GRIK4: variants seen among roughly 807,000 people sequenced by gnomAD.
The protein encoded by GRIK4 is glutamate receptor ionotropic, kainate 4.
GRIK4 carries 40 observed loss-of-function variants against 104.9 expected under a neutral mutation model. The observed-to-expected ratio is 0.38, with a 90% CI of 0.30 to 0.50. The LOEUF is 0.50. Ranked by LOEUF, GRIK4 falls within the 20% of genes least tolerant of loss-of-function variation. GRIK4 has a pLI of 0.93. For missense variants in GRIK4, 1,047 were observed against 1,308.1 expected (o/e 0.80, Z 3.08); for synonymous variants, 485 against 524.9 (o/e 0.92, Z 1.04).
intron 1 of GRIK4, among the ~76,000 whole-genome samples, chr11:120,630,693 T>C (rs1201887654): frequency 2.0e-5 from 3 of 152,210 alleles, no homozygotes; most frequent in African/African-American, 7.2e-5. Flanking sequence ...GAACAAGTGA[T>C]TTAAAATTAT....
Position 120,608,977 on chromosome 11 carries a change from A to G in GRIK4, c.-158-44708A>G, listed in dbSNP as rs569533844. The stretch of plus-strand genomic sequence containing the variant: ...TGTTGAATCTGATTTGCTGAAATAC[A>G]ATAGCAGATTGATTTTGTAGCCACC... On this transcript the variant is annotated intron_variant, in intron 1 of 20. Coordinates refer to ENST00000527524, the MANE Select transcript of GRIK4 (RefSeq NM_014619.5). Among the ~76,000 whole-genome samples the G allele has an allele frequency of 5.9e-5, 9 of 152,348 alleles. No homozygotes were observed. The East Asian group carries it at 1.3e-3, about 23-fold the overall frequency.
intron 4 of GRIK4, among the ~76,000 whole-genome samples, chr11:120,812,696 A>C (rs1467529213): frequency 6.6e-6 from 1 of 152,238 alleles, no homozygotes; most frequent in Non-Finnish European, 1.5e-5. Flanking sequence ...ACAGCCATGC[A>C]TCAGACTCCA....
At chr11:120,924,468 G>A (rs149336862) in intron 13 of GRIK4, among the ~76,000 whole-genome samples, 3 of 152,170 alleles carry the variant, frequency 2.0e-5, no homozygotes, top group East Asian at 3.9e-4. Flanking sequence ...TGCACAAATC[G>A]TAAGTGACAG....
At chr11:120,817,182 C>T (rs184357455) in intron 5 of GRIK4, among the ~76,000 whole-genome samples, 13 of 152,184 alleles carry the variant, frequency 8.5e-5, no homozygotes, top group Non-Finnish European at 1.6e-4. Context: ...CTGTGCATCA[C>T]ATCCTCCCCC....
At chr11:120,592,613 C>T (rs1279278973) in intron 1 of GRIK4, among the ~76,000 whole-genome samples, 1 of 152,150 alleles carries the variant, frequency 6.6e-6, no homozygotes, top group Non-Finnish European at 1.5e-5. Context: ...TTTCCTGCCT[C>T]CTCTGGCTTC....
chr11:120,930,994 C>T (rs1054199788), intron 13 of GRIK4, among the ~76,000 whole-genome samples: 1 of 152,138 alleles, frequency 6.6e-6, no homozygotes, highest in South Asian at 2.1e-4. Flanking sequence ...ATTGAGCACC[C>T]GCTTTATTCC....
chr11:120,674,028 C>T (rs919202291), intron 3 of GRIK4, among the ~76,000 whole-genome samples: 1 of 152,170 alleles, frequency 6.6e-6, no homozygotes, highest in Non-Finnish European at 1.5e-5. Flanking sequence ...AGGCCTGGTG[C>T]TCTTCCCTGT....
At chr11:120,867,512 C>T (rs3802913) in intron 9 of GRIK4, among the ~76,000 whole-genome samples, 12 of 151,724 alleles carry the variant, frequency 7.9e-5, no homozygotes, top group Non-Finnish European at 1.8e-4. Context: ...ACGATGTTCC[C>T]TGCTCTTTCT....
intron 3 of GRIK4, among the ~76,000 whole-genome samples, chr11:120,694,148 G>C (rs1188924377): frequency 1.3e-5 from 2 of 152,198 alleles, no homozygotes; most frequent in African/African-American, 4.8e-5. Flanking sequence ...TAGGCCTAAA[G>C]CATGAGGGAG....
chr11:120,936,412 C>T, intron 13 of GRIK4: 1 of 305,330 alleles, frequency 3.3e-6, no homozygotes, highest in Non-Finnish European at 6.4e-6. Context: ...TCTGTCTCCC[C>T]TTTAGGAGAG....
chr11:120,658,727 C>CTTTTTTTTTTTTTTT (rs71050753), intron 2 of GRIK4, among the ~76,000 whole-genome samples: 1 of 56,746 alleles, frequency 1.8e-5, no homozygotes, highest in African/African-American at 4.7e-5. Context: ...GAGGACGAAA[C>CTTTTTTTTTTTTTTT]TTTTTTTTTT....
intron 8 of GRIK4, 42 bp downstream of exon 8, chr11:120,836,886 G>C (rs779049478): frequency 4.1e-5 from 50 of 1,230,354 alleles, no homozygotes; most frequent in Non-Finnish European, 5.5e-5. Flanking sequence ...AGAGAGTGTT[G>C]TCAGTGGTCA....
At position 120,818,291 on chromosome 11, in the gene GRIK4, C is replaced by T. The variant is rs574645888; in HGVS notation, c.346-1464C>T. ...CGTTCAAACCAGCCAGCCAGGCTAC[C>T]CTGCCCCTGTCGGGCCTTCCCCTCT... is the stretch of plus-strand genomic sequence containing the variant. On this transcript the variant is annotated intron_variant, in intron 5 of 20. Coordinates refer to ENST00000527524, the MANE Select transcript of GRIK4 (RefSeq NM_014619.5). 3.9e-5 allele frequency among the ~76,000 whole-genome samples: 6 copies of T among 152,362 alleles called. No individual in the cohort carries two copies. In the East Asian group the frequency reaches 1.2e-3, roughly 29 times the overall value.
chr11:120,571,311 A>G (rs1948395032), intron 1 of GRIK4, among the ~76,000 whole-genome samples: 2 of 152,202 alleles, frequency 1.3e-5, no homozygotes, highest in Admixed American at 1.3e-4. Flanking sequence ...CATGGTGACG[A>G]CTGTCCTCTG....
chr11:120,689,717 A>G (rs773658749), intron 3 of GRIK4, among the ~76,000 whole-genome samples: 1 of 152,028 alleles, frequency 6.6e-6, no homozygotes, highest in Non-Finnish European at 1.5e-5. Flanking sequence ...AGTCCAAATG[A>G]GTCATTTCTC....
intron 3 of GRIK4, among the ~76,000 whole-genome samples, chr11:120,699,570 T>C (rs958778259): frequency 6.7e-6 from 1 of 149,696 alleles, no homozygotes; most frequent in Admixed American, 6.6e-5. Context: ...TGTGTGTGTG[T>C]GTGTGTGTGT....
chr11:120,534,349 A>T (rs1415241584), intron 1 of GRIK4, among the ~76,000 whole-genome samples: 1 of 152,128 alleles, frequency 6.6e-6, no homozygotes, highest in Admixed American at 6.5e-5. Context: ...ATCTATGTGG[A>T]ATTGAGTGCA....
chr11:120,967,053 C>T lies in GRIK4; in HGVS notation c.2267-142C>T, dbSNP rs187649230. The T allele has an allele frequency of 1.4e-4, 121 of 872,308 alleles. No homozygotes were observed. The East Asian group carries it at 3.0e-3, about 22-fold the overall frequency. 54.0% of individuals were successfully genotyped at this position (872,308 alleles called of 1,614,324 possible). On this transcript the variant is annotated intron_variant, in intron 18 of 20. Transcript: ENST00000527524. The surrounding 1 kb of genome is among the most constrained non-coding windows in gnomAD (Gnocchi z 4.2). ...GTAGACAGCACTGGCCCCATGGGCT[C>T]GCCCCACCCGCTGCATCTGTCTGTC...
rs147885780 is a variant in GRIK4, at chr11:120,830,629, A to T, written c.512-1223A>T. Among the ~76,000 whole-genome samples, 298 of 152,284 alleles carry T rather than the reference A, an allele frequency of 2.0e-3. 1 individual carries two copies. The highest frequency in any genetic ancestry group is 3.4e-3 in the Middle Eastern group (1 of 294). On this transcript the variant is annotated intron_variant, in intron 6 of 20. Coordinates refer to ENST00000527524, the MANE Select transcript of GRIK4 (RefSeq NM_014619.5). ...CCTCGCCATCCCAGTGTGTGAGGCC[A>T]GTTGCTCGTCCTTCCTACCTCCGAT...
Sources: allele counts gnomAD v4.1 joint callset (sites outside exome capture counted in the v4.1 genomes callset), GRCh38; gene constraint gnomAD v4.1.1; non-coding constraint Gnocchi (gnomAD v3.1); transcripts MANE v1.5; gene names NCBI Gene and HGNC (gene_info 2026-07-23, HGNC 2026-07-21).